Variants in RBFOX3 observed in about 807,000 individuals in gnomAD.
RBFOX3 encodes the protein RNA binding fox-1 homolog 3.
A neutral mutation model predicts 48.7 loss-of-function variants in RBFOX3; 17 were observed. The observed-to-expected ratio is 0.35, with a 90% CI of 0.24 to 0.52. The LOEUF is 0.52. RBFOX3 is among the 20% of genes least tolerant of loss of function. RBFOX3 has a pLI of 0.94. For missense variants in RBFOX3, 382 were observed against 497.5 expected (o/e 0.77, Z 2.21); for synonymous variants, 212 against 209.5 (o/e 1.01, Z -0.10).
chr17:79,636,200 A>G, the RBFOX3 span, among the ~76,000 whole-genome samples: 1 of 152,180 alleles, frequency 6.6e-6, no homozygotes, highest in Non-Finnish European at 1.5e-5. Flanking sequence ...ATAGAACACT[A>G]TATCCAAGAT....
intron 1 of RBFOX3, among the ~76,000 whole-genome samples, chr17:79,554,824 T>A (rs1012170239): frequency 6.6e-6 from 1 of 152,260 alleles, no homozygotes; most frequent in Non-Finnish European, 1.5e-5. Flanking sequence ...ATAACTTTTT[T>A]AATCCTCAGA....
rs1029558583 is a variant in RBFOX3 at position 79,538,717 on chromosome 17, G to A, written c.-319-56119C>T. ...ATCGGCAGGAAACAGGTGCCCATGT[G>A]GGGGCTGGATGTCTGTTATTCCCAG... On this transcript the variant is annotated intron_variant, in intron 1 of 14. Transcript: ENST00000693108. Among the ~76,000 whole-genome samples the A allele has an allele frequency of 3.9e-5, 6 of 152,276 alleles. No individual in the cohort carries two copies. The South Asian group carries it at 1.0e-3, about 26-fold the overall frequency.
intron 2 of RBFOX3, among the ~76,000 whole-genome samples, chr17:79,378,352 G>C (rs2059471852): frequency 6.6e-6 from 1 of 152,208 alleles, no homozygotes. Context: ...CTAGCTTCAT[G>C]AGGGGGATCC....
chr17:79,198,601 G>A lies in RBFOX3; in HGVS notation c.-34+37165C>T, dbSNP rs2056167198. On this transcript the variant is annotated intron_variant, in intron 4 of 14. Transcript: ENST00000693108. This position sits in a 1 kb window ranked among gnomAD's most constrained non-coding sequence, Gnocchi z 8.2. ...GATAGGACTTTTAGAGATGTGAGAAGCCTCCCTGCTTTTGAACTTTCTCTC... is the reference window on the plus strand; with the variant it reads ...GATAGGACTTTTAGAGATGTGAGAAACCTCCCTGCTTTTGAACTTTCTCTC... 6.7e-6 allele frequency among the ~76,000 whole-genome samples: 1 copy of A among 149,568 alleles called. No homozygotes were observed. Among genetic ancestry groups the A allele is most frequent in the Non-Finnish European group, 1.5e-5 (1 of 67,688 alleles).
At chr17:79,334,138 T>C (rs557436489) in intron 2 of RBFOX3, among the ~76,000 whole-genome samples, 4 of 152,302 alleles carry the variant, frequency 2.6e-5, no homozygotes, top group South Asian at 2.1e-4. Context: ...GTTTCTACCA[T>C]CCACCCATTC....
chr17:79,177,580 G>A (rs1251506618), intron 4 of RBFOX3, among the ~76,000 whole-genome samples: 1 of 152,170 alleles, frequency 6.6e-6, no homozygotes, highest in East Asian at 1.9e-4. Flanking sequence ...AGAGCCAGGG[G>A]GCACACTGGC....
At chr17:79,456,300 G>A (rs2074482415) in intron 2 of RBFOX3, among the ~76,000 whole-genome samples, 1 of 151,858 alleles carries the variant, frequency 6.6e-6, no homozygotes, top group African/African-American at 2.4e-5. Context: ...CTCCCACTCT[G>A]ACCCTGTCTG....
At chr17:79,339,592 T>C (rs949963422) in intron 2 of RBFOX3, among the ~76,000 whole-genome samples, 5 of 152,264 alleles carry the variant, frequency 3.3e-5, no homozygotes, top group Admixed American at 3.3e-4. Flanking sequence ...TGATTCAGTA[T>C]GTGTGGAATG....
chr17:79,373,438 G>A (rs2058819061), intron 2 of RBFOX3, among the ~76,000 whole-genome samples: 1 of 152,192 alleles, frequency 6.6e-6, no homozygotes, highest in African/African-American at 2.4e-5. Context: ...ATGAATGGCA[G>A]CACCAGCCTG....
In RBFOX3 at chr17:79,219,092, G is replaced by T. The variant is rs374081348; in HGVS notation, c.-34+16674C>A. Among the ~76,000 whole-genome samples the T allele has an allele frequency of 3.3e-5, 5 of 152,352 alleles. No homozygotes were observed. The East Asian group carries it at 7.7e-4, about 24-fold the overall frequency. On this transcript the variant is annotated intron_variant, in intron 4 of 14. Coordinates refer to ENST00000693108, the MANE Select transcript of RBFOX3 (RefSeq NM_001350451.2). Reference sequence around the variant, plus strand: ...ACCTGTGCGGGGTCAGGCCCTCCCAGTGGGGCTCCAGGGCCCTTGAGCCCT... The same window carrying T: ...ACCTGTGCGGGGTCAGGCCCTCCCATTGGGGCTCCAGGGCCCTTGAGCCCT...
At position 79,477,497 on chromosome 17, in the gene RBFOX3, A is replaced by T. The variant is rs758542834; in HGVS notation, c.-175+4957T>A. 3.3e-5 allele frequency among the ~76,000 whole-genome samples: 5 copies of T among 151,980 alleles called. No homozygotes were observed. Among genetic ancestry groups the T allele is most frequent in the Non-Finnish European group, 7.4e-5 (5 of 67,986 alleles). On this transcript the variant is annotated intron_variant, in intron 2 of 14. Coordinates refer to ENST00000693108, the MANE Select transcript of RBFOX3 (RefSeq NM_001350451.2). The surrounding 1 kb of genome is among the most constrained non-coding windows in gnomAD (Gnocchi z 4.8). ...CGTGAACCCGGGAGGCGGAGTTTGC[A>T]GTGAGCTGAGATCGCCCCATCGCAC...
intron 1 of RBFOX3, among the ~76,000 whole-genome samples, chr17:79,543,573 C>T (rs1462858317): frequency 2.0e-5 from 3 of 152,246 alleles, no homozygotes; most frequent in Admixed American, 6.5e-5. Context: ...CTTCACACTC[C>T]CCCCTTCATC....
chr17:79,477,449 G>C lies in RBFOX3; in HGVS notation c.-175+5005C>G, dbSNP rs374727658. Reference sequence around the variant, plus strand: ...CGGGCGCCTGTAGTCCCAGCTACTTGGGAGGCTGAGGCAGGAGAATGGCGT... The same window carrying C: ...CGGGCGCCTGTAGTCCCAGCTACTTCGGAGGCTGAGGCAGGAGAATGGCGT... On this transcript the variant is annotated intron_variant, in intron 2 of 14. Transcript: ENST00000693108. This position sits in a 1 kb window ranked among gnomAD's most constrained non-coding sequence, Gnocchi z 4.8. Among the ~76,000 whole-genome samples the C allele has an allele frequency of 3.0e-3, 462 of 151,950 alleles. No homozygotes were observed. Among genetic ancestry groups the C allele is most frequent in the Non-Finnish European group, 5.1e-3 (345 of 67,940 alleles).
At chr17:79,289,557 G>A (rs2144798130) in intron 3 of RBFOX3, among the ~76,000 whole-genome samples, 1 of 152,324 alleles carries the variant, frequency 6.6e-6, no homozygotes, top group African/African-American at 2.4e-5. Context: ...TTCCTTTTGT[G>A]TTGGTGACAG....
intron 4 of RBFOX3, among the ~76,000 whole-genome samples, chr17:79,146,146 C>G (rs72855087): frequency 0.53 from 80,009 of 151,992 alleles, 21,521 homozygotes; most frequent in Middle Eastern, 0.63. Flanking sequence ...CGAAGCTTCA[C>G]TCCTCTGCCC....
intron 4 of RBFOX3, among the ~76,000 whole-genome samples, chr17:79,174,216 T>C (rs1048609638): frequency 6.6e-6 from 1 of 152,158 alleles, no homozygotes; most frequent in African/African-American, 2.4e-5. Flanking sequence ...TTAGCTGTCC[T>C]CTGCCTTGCC....
upstream of RBFOX3, among the ~76,000 whole-genome samples, chr17:79,615,666 C>G (rs1203935791): frequency 6.6e-6 from 1 of 152,200 alleles, no homozygotes; most frequent in Middle Eastern, 3.2e-3. Context: ...CCACGCACTG[C>G]CACCTGTGTA....
chr17:79,345,565 G>A (rs536761950), intron 2 of RBFOX3, among the ~76,000 whole-genome samples: 9 of 152,266 alleles, frequency 5.9e-5, no homozygotes, highest in African/African-American at 1.9e-4. Flanking sequence ...TTTCCCAGCT[G>A]ATTAGTGAGG....
At chr17:79,117,408 C>G (rs747342557) in intron 4 of RBFOX3, among the ~76,000 whole-genome samples, 1 of 152,214 alleles carries the variant, frequency 6.6e-6, no homozygotes. Context: ...CTCCACCCCA[C>G]GCTCCCATCA....
Sources: allele counts gnomAD v4.1 joint callset (sites outside exome capture counted in the v4.1 genomes callset), GRCh38; gene constraint gnomAD v4.1.1; non-coding constraint Gnocchi (gnomAD v3.1); transcripts MANE v1.5; gene names NCBI Gene and HGNC (gene_info 2026-07-23, HGNC 2026-07-21).